The following TMC7 variants were observed in gnomAD, a reference collection of about 807,000 sequenced individuals.
TMC7 encodes the protein transmembrane channel-like protein 7.
Under a neutral mutation model 82.9 loss-of-function variants are expected in TMC7, and 54 were observed. The observed-to-expected ratio is 0.65, with a 90% CI of 0.52 to 0.82. The LOEUF (loss-of-function observed/expected upper bound fraction) is 0.82. Ranked by LOEUF, TMC7 falls within the 40% of genes least tolerant of loss-of-function variation. TMC7 has a pLI of 0.00. For missense variants in TMC7, 820 were observed against 901.2 expected (o/e 0.91, Z 1.15); for synonymous variants, 350 against 337.9 (o/e 1.04, Z -0.39).
intron 9 of TMC7, among the ~76,000 whole-genome samples, chr16:19,043,055 A>AT (rs1387244563): frequency 1.3e-5 from 2 of 151,706 alleles, no homozygotes; most frequent in Non-Finnish European, 2.9e-5. Flanking sequence ...TACTTAATTT[A>AT]TTTTTGTATT....
chr16:19,035,605 G>C, intron 6 of TMC7, 71 bp from the exon 7 acceptor site: 1 of 1,597,518 alleles, frequency 6.3e-7, no homozygotes. Flanking sequence ...TTAAGTTTCA[G>C]ACACAGCCAA....
At chr16:19,057,331 A>G (rs944571228) in intron 14 of TMC7, among the ~76,000 whole-genome samples, 1 of 152,204 alleles carries the variant, frequency 6.6e-6, no homozygotes, top group Non-Finnish European at 1.5e-5. Context: ...ATTTCTGAGC[A>G]GAGAGATGAA....
chr16:19,054,937 G>A (rs1186910944), intron 13 of TMC7, among the ~76,000 whole-genome samples: 1 of 151,826 alleles, frequency 6.6e-6, no homozygotes, highest in Non-Finnish European at 1.5e-5. Context: ...TAGTAGAGAC[G>A]GGGTTTCGCC....
At chr16:19,023,068 G>C (rs371162152) in intron 4 of TMC7, 45 bp from the exon 5 acceptor site, 41 of 1,282,846 alleles carry the variant, frequency 3.2e-5, no homozygotes, top group Middle Eastern at 1.9e-4. Context: ...AGGTTATAGA[G>C]ACTAAAACTG....
At chr16:19,022,146 A>G (rs543458092) in intron 4 of TMC7, among the ~76,000 whole-genome samples, 1 of 152,336 alleles carries the variant, frequency 6.6e-6, no homozygotes, top group South Asian at 2.1e-4. Context: ...CACAAGCTCT[A>G]CATGTGGACT....
At chr16:19,058,626 A>G (rs1961873762) in intron 14 of TMC7, among the ~76,000 whole-genome samples, 1 of 152,220 alleles carries the variant, frequency 6.6e-6, no homozygotes, top group Non-Finnish European at 1.5e-5. Context: ...AAAGCAAGGC[A>G]TAAGTCAGAT....
At chr16:19,002,568 G>A (rs867983173) in intron 1 of TMC7, among the ~76,000 whole-genome samples, 14 of 152,142 alleles carry the variant, frequency 9.2e-5, no homozygotes, top group East Asian at 1.9e-4. Context: ...GCAAGACACC[G>A]CTTTTAAGCC....
intron 6 of TMC7, among the ~76,000 whole-genome samples, chr16:19,034,143 C>A (rs934703745): frequency 7.2e-5 from 11 of 152,152 alleles, no homozygotes; most frequent in Non-Finnish European, 1.6e-4. Context: ...TTGCTTTATC[C>A]ATCAGTTGCA....
rs2038840173 is a variant in TMC7, at chr16:18,985,944, G to A, written c.67+1814G>A. Reference sequence around the variant, plus strand: ...GCACTTTGGGATGCTGAGGCAGGAGGATCACTTGAGCCCAGGAGTTTGAGG... The same window carrying A: ...GCACTTTGGGATGCTGAGGCAGGAGAATCACTTGAGCCCAGGAGTTTGAGG... On this transcript the variant is annotated intron_variant, in intron 1 of 15. Coordinates refer to ENST00000304381, the MANE Select transcript of TMC7 (RefSeq NM_024847.4). Among the ~76,000 whole-genome samples the A allele has an allele frequency of 2.6e-5, 4 of 151,656 alleles. No individual in the cohort carries two copies. The South Asian group carries it at 8.4e-4, about 32-fold the overall frequency.
chr16:19,035,860 A>C, intron 7 of TMC7, 37 bp downstream of exon 7: 1 of 1,533,964 alleles, frequency 6.5e-7, no homozygotes, highest in Non-Finnish European at 8.7e-7. Flanking sequence ...TGGGGTCCTC[A>C]CCAGCAAGGT....
chr16:19,004,829 A>G (rs1376770967), intron 1 of TMC7, among the ~76,000 whole-genome samples: 1 of 151,844 alleles, frequency 6.6e-6, no homozygotes, highest in Non-Finnish European at 1.5e-5. Context: ...AGCCTCAGTT[A>G]TTAATCTGTA....
At chr16:19,059,868 T>C in intron 15 of TMC7, 5 of 517,656 alleles carry the variant, frequency 9.7e-6, no homozygotes, top group African/African-American at 1.9e-5. Context: ...TCCCAGCTAC[T>C]TGGGAGGCTG....
chr16:18,992,935 C>G (rs1195543409), intron 1 of TMC7, among the ~76,000 whole-genome samples: 1 of 152,162 alleles, frequency 6.6e-6, no homozygotes, highest in Non-Finnish European at 1.5e-5. Context: ...TCTGAGGGCT[C>G]TGTTCTGTTC....
intron 1 of TMC7, among the ~76,000 whole-genome samples, chr16:18,999,643 G>T (rs1303259208): frequency 2.0e-5 from 3 of 152,228 alleles, no homozygotes; most frequent in Non-Finnish European, 4.4e-5. Context: ...ATGAATAGAT[G>T]GATGGGTGGG....
At chr16:19,042,231 G>C (rs1961046108) in intron 9 of TMC7, among the ~76,000 whole-genome samples, 1 of 152,056 alleles carries the variant, frequency 6.6e-6, no homozygotes, top group Non-Finnish European at 1.5e-5. Flanking sequence ...CTGGAGTGCA[G>C]TGGCATGATC....
At chr16:18,991,026 G>A (rs2038941606) in intron 1 of TMC7, among the ~76,000 whole-genome samples, 1 of 152,140 alleles carries the variant, frequency 6.6e-6, no homozygotes. Flanking sequence ...CAAAATAGTG[G>A]TAAAGTGTCT....
At chr16:19,052,587 G>A (rs1196902660) in intron 13 of TMC7, among the ~76,000 whole-genome samples, 1 of 152,134 alleles carries the variant, frequency 6.6e-6, no homozygotes, top group Admixed American at 6.6e-5. Flanking sequence ...CCAGGTGGGG[G>A]TACTGGTTGA....
At chr16:19,012,462 A>G (rs910375716) in intron 2 of TMC7, among the ~76,000 whole-genome samples, 2 of 152,060 alleles carry the variant, frequency 1.3e-5, no homozygotes, top group East Asian at 3.9e-4. Context: ...AGCAGGGCCC[A>G]TGTCTATCTG....
chr16:19,058,616 AAAGC>A (rs1961873400), intron 14 of TMC7, among the ~76,000 whole-genome samples: 1 of 152,210 alleles, frequency 6.6e-6, no homozygotes, highest in Non-Finnish European at 1.5e-5. Flanking sequence ...TTAAAAGTAA[AAAGC>A]AAGGCATAAG....
Sources: gnomAD v4.1 joint callset for allele counts (sites outside exome capture counted in the v4.1 genomes callset) on GRCh38, gnomAD v4.1.1 for gene constraint, MANE v1.5 for transcripts, NCBI Gene and HGNC (gene_info 2026-07-23, HGNC 2026-07-21) for gene names.